Variants in FANCA observed in about 807,000 individuals in gnomAD.
FANCA encodes FA complementation group A, also known as Fanconi anemia group A protein.
A neutral mutation model predicts 194.3 loss-of-function variants in FANCA; 236 were observed. The ratio of observed to expected loss-of-function variants is 1.21; its 90% confidence interval spans 1.09 to 1.35. The LOEUF (loss-of-function observed/expected upper bound fraction) is 1.35. Ranked by LOEUF, FANCA falls within the 40% of genes most tolerant of loss-of-function variation. The probability of loss-of-function intolerance (pLI) is 0.00; values close to 1 mark genes in which losing one functional copy is unlikely to be tolerated. For missense variants in FANCA, 2,628 were observed against 1,813.9 expected, an observed-to-expected ratio of 1.45 and a Z score of -8.15; for synonymous variants, 1,014 against 715.8, an observed-to-expected ratio of 1.42 and a Z score of -6.65.
intron 14 of FANCA, 70 bp downstream of exon 14, chr16:89,791,333 C>A (rs2040069462): frequency 6.3e-7 from 1 of 1,578,508 alleles, no homozygotes. Flanking sequence ...CAGGTGGGGA[C>A]AGCATGGTCC....
At chr16:89,765,132 T>C (rs575579271) in intron 27 of FANCA, 66 bp from the exon 28 acceptor site, 2 of 1,566,980 alleles carry the variant, frequency 1.3e-6, no homozygotes, top group African/African-American at 1.4e-5. Flanking sequence ...GCTGAGCAAA[T>C]GCTCAGGTGG....
At chr16:89,744,691 C>CA in intron 36 of FANCA, 2 of 471,418 alleles carry the variant, frequency 4.2e-6, no homozygotes, top group Non-Finnish European at 7.8e-6. Flanking sequence ...TTTTTCTGGA[C>CA]AGAGTCTTGC....
At chr16:89,804,642 A>G (rs1240175240) in intron 7 of FANCA, among the ~76,000 whole-genome samples, 1 of 152,058 alleles carries the variant, frequency 6.6e-6, no homozygotes, top group East Asian at 1.9e-4. Context: ...ACTACTCCTC[A>G]AACTGGGTTG....
intron 32 of FANCA, among the ~76,000 whole-genome samples, chr16:89,749,466 A>G (rs548551982): frequency 6.0e-4 from 91 of 152,252 alleles, no homozygotes; most frequent in African/African-American, 2.1e-3. Context: ...ACCTCAGGTG[A>G]TCCACTCACC....
rs1055492804 is a variant in FANCA at position 89,740,160 on chromosome 16, G to A, written c.3829-61C>T. On this transcript the variant is annotated intron_variant, in intron 38 of 42. Coordinates refer to ENST00000389301, the MANE Select transcript of FANCA (RefSeq NM_000135.4). Reference sequence around the variant, plus strand: ...GACCTGGTGCTCCCATGGGTAGGAGGGTACAGCCCTCAGCACAGAAGAGGG... The same window carrying A: ...GACCTGGTGCTCCCATGGGTAGGAGAGTACAGCCCTCAGCACAGAAGAGGG... 232 of 1,319,500 alleles carry A rather than the reference G, an allele frequency of 1.8e-4. 1 individual carries two copies. Among genetic ancestry groups the A allele is most frequent in the South Asian group, 4.9e-4 (42 of 85,046 alleles). The allele number at this position is 1,319,500 out of a possible 1,614,324, so 81.7% of individuals were successfully genotyped here. A position where few individuals can be genotyped will look rare whatever the true frequency, so the allele number is the denominator to read the frequency against.
chr16:89,799,716 A>G (rs2040376499), intron 8 of FANCA, 78 bp from the exon 9 acceptor site: 2 of 1,233,148 alleles, frequency 1.6e-6, no homozygotes, highest in Non-Finnish European at 2.4e-6. Context: ...CAAGAGAATT[A>G]TTACTTGTTA....
Position 89,771,676 on chromosome 16 carries a change from A to AC in FANCA, c.2151+1dup, listed in dbSNP as rs777971510. 9 of 1,613,964 alleles carry AC rather than the reference A, an allele frequency of 5.6e-6. No individual in the cohort carries two copies. Among genetic ancestry groups the AC allele is most frequent in the Non-Finnish European group, 7.6e-6 (9 of 1,179,954 alleles). The stretch of plus-strand genomic sequence containing the variant: ...TGCTTTGTTCTGAGCCCCTACACCT[A>AC]CCATGTGTTCCCGTGGCTCCAGTCT... On this transcript the variant is annotated splice_donor_variant, in intron 23 of 42. Coordinates refer to ENST00000389301, the MANE Select transcript of FANCA (RefSeq NM_000135.4). LOFTEE classifies it high-confidence loss of function.
At chr16:89,815,443 G>C (rs545507032) in intron 2 of FANCA, among the ~76,000 whole-genome samples, 1 of 144,974 alleles carries the variant, frequency 6.9e-6, no homozygotes. Context: ...TCTGCCTCCC[G>C]GGTCCAGGTT....
At chr16:89,797,663 G>C (rs1415520169) in intron 10 of FANCA, among the ~76,000 whole-genome samples, 2 of 152,142 alleles carry the variant, frequency 1.3e-5, no homozygotes, top group Admixed American at 6.5e-5. Flanking sequence ...GTTATCACTT[G>C]AGGTCAGGAG....
At chr16:89,773,464 A>C in intron 21 of FANCA, 80 bp from the exon 22 acceptor site, 1 of 1,027,856 alleles carries the variant, frequency 9.7e-7, no homozygotes, top group South Asian at 1.4e-5. Flanking sequence ...TCACACAGTC[A>C]AATACAGAGC....
In FANCA at chr16:89,778,918, C is replaced by G. The variant is rs372866911; in HGVS notation, c.1776+25G>C. On this transcript the variant is annotated intron_variant, in intron 19 of 42. Transcript: ENST00000389301. ...TCCTTGCTTTCTACACAACTGGTCA[C>G]AAACTCATGGAGACGCATACTGACC... 49 of 1,613,984 alleles carry G rather than the reference C, an allele frequency of 3.0e-5. No homozygotes were observed. In the African/African-American group the frequency reaches 4.9e-4, roughly 16 times the overall value.
intron 28 of FANCA, chr16:89,762,648 T>C: frequency 3.3e-6 from 1 of 302,528 alleles, no homozygotes; most frequent in South Asian, 2.6e-5. Flanking sequence ...CTTCATTTAT[T>C]TTTGGAAACA....
In FANCA at chr16:89,791,532, C is replaced by T; in HGVS notation, c.1230G>A (p.Trp410Ter). The part of the protein sequence containing the change: ...FPEAQQLLED[W>*]VARLMAQAFE... ...ATGCCTGGGCCATCAAACGCGCCAC[C>T]CAGTCTAGTTAAGAACCATGACATA... is the stretch of plus-strand genomic sequence containing the variant. The change falls in exon 14 of 43, where the codon TGG becomes TGA. Residue 410 changes from tryptophan (W) to a stop codon, truncating the protein, a stop_gained. Coordinates refer to ENST00000389301, the MANE Select transcript of FANCA (RefSeq NM_000135.4). LOFTEE classifies it high-confidence loss of function. The T allele has an allele frequency of 6.2e-7, 1 of 1,614,094 alleles. No homozygotes were observed. Among genetic ancestry groups the T allele is most frequent in the Non-Finnish European group, 8.5e-7 (1 of 1,180,026 alleles).
chr16:89,771,333 C>G (rs1361216028), intron 23 of FANCA, among the ~76,000 whole-genome samples: 2 of 151,848 alleles, frequency 1.3e-5, no homozygotes, highest in East Asian at 1.9e-4. Flanking sequence ...GTGATGCACG[C>G]CTGTAGTCCC....
In FANCA at chr16:89,816,603, A is replaced by C. The variant is rs1204745684; in HGVS notation, c.13T>G (p.Trp5Gly). 6.6e-7 allele frequency: 1 copy of C among 1,525,968 alleles called. No homozygotes were observed. The highest frequency in any genetic ancestry group is 8.7e-7 in the Non-Finnish European group (1 of 1,144,566). The allele number at this position is 1,525,968 out of a possible 1,614,324, so 94.5% of individuals were successfully genotyped here. A position where few individuals can be genotyped will look rare whatever the true frequency, so the allele number is the denominator to read the frequency against. The change falls in exon 1 of 43, where the codon TGG (tryptophan) becomes GGG (glycine). Residue 5 changes from tryptophan to glycine, a missense_variant. By Grantham distance (184) the Trp-to-Gly change is radical. Coordinates refer to ENST00000389301, the MANE Select transcript of FANCA (RefSeq NM_000135.4). MSDSWVPNSASGQDP... is the reference protein window; with the variant it reads MSDSGVPNSASGQDP... Reference sequence around the variant, plus strand: ...TGGCCCGAGGCGGAGTTCGGGACCCACGAGTCGGACATGGCCTTGGCGCCT... The same window carrying C: ...TGGCCCGAGGCGGAGTTCGGGACCCCCGAGTCGGACATGGCCTTGGCGCCT...
chr16:89,770,553 C>T lies in FANCA; in HGVS notation c.2222+11G>A, dbSNP rs749142282. The T allele has an allele frequency of 7.5e-6, 12 of 1,599,668 alleles. No individual in the cohort carries two copies. Among genetic ancestry groups the T allele is most frequent in the East Asian group, 6.8e-5 (3 of 44,186 alleles). Reference sequence around the variant, plus strand: ...GAGCCCCACCACTCAGGGAGCTGCCCGCGCCTTCACCTCTCCGGGGGAGCG... The same window carrying T: ...GAGCCCCACCACTCAGGGAGCTGCCTGCGCCTTCACCTCTCCGGGGGAGCG... On this transcript the variant is annotated intron_variant, in intron 24 of 42. Transcript: ENST00000389301.
At chr16:89,796,060 C>A in intron 10 of FANCA, 42 bp from the exon 11 acceptor site, 1 of 1,442,680 alleles carries the variant, frequency 6.9e-7, no homozygotes, top group East Asian at 2.3e-5. Flanking sequence ...AGGGAGGGTG[C>A]CTTGCACGCC....
chr16:89,786,508 G>A (rs1027979179), intron 14 of FANCA, among the ~76,000 whole-genome samples: 1 of 152,076 alleles, frequency 6.6e-6, no homozygotes, highest in African/African-American at 2.4e-5. Flanking sequence ...GTAGAGATGA[G>A]GTTTTGCCAT....
At chr16:89,806,148 G>A (rs2040633589) in intron 6 of FANCA, among the ~76,000 whole-genome samples, 1 of 151,776 alleles carries the variant, frequency 6.6e-6, no homozygotes, top group African/African-American at 2.4e-5. Context: ...CCTGACCTCA[G>A]GTGATCTGCC....
Sources: allele counts gnomAD v4.1 joint callset (sites outside exome capture counted in the v4.1 genomes callset), GRCh38; gene constraint gnomAD v4.1.1; transcripts MANE v1.5; gene names NCBI Gene and HGNC (gene_info 2026-07-23, HGNC 2026-07-21).